The following FBRSL1 variants were observed in gnomAD, a reference collection of about 807,000 sequenced individuals.
FBRSL1 encodes fibrosin-1-like protein.
FBRSL1 carries 51 observed loss-of-function variants against 89.6 expected under a neutral mutation model. The ratio of observed to expected loss-of-function variants is 0.57; its 90% CI spans 0.45 to 0.72. The LOEUF is 0.72. FBRSL1 is among the 30% of genes least tolerant of loss of function. The pLI is 0.00. For missense variants in FBRSL1, 1,618 were observed against 1,451.8 expected, an observed-to-expected ratio of 1.11 and a Z score of -1.86; for synonymous variants, 779 against 681.1, an observed-to-expected ratio of 1.14 and a Z score of -2.24.
intron 1 of FBRSL1, 26 bp downstream of exon 1, chr12:132,490,887 G>A (rs28435470): frequency 0.66 from 853,101 of 1,299,228 alleles, 279,910 homozygotes; most frequent in Middle Eastern, 0.74. Flanking sequence ...CGGCTTCGCA[G>A]GCGTTGAGGC....
At chr12:132,543,219 C>G (rs919422748) in intron 4 of FBRSL1, among the ~76,000 whole-genome samples, 2 of 152,232 alleles carry the variant, frequency 1.3e-5, no homozygotes, top group Non-Finnish European at 1.5e-5. Context: ...ACGCACGTTG[C>G]CTCCTCCGAC....
chr12:132,503,470 G>A (rs891088774), intron 1 of FBRSL1, among the ~76,000 whole-genome samples: 2 of 152,376 alleles, frequency 1.3e-5, no homozygotes, highest in South Asian at 2.1e-4. Context: ...TGGGCGGGGG[G>A]AGATGTGGGG....
chr12:132,559,921 C>A, intron 5 of FBRSL1: 1 of 149,082 alleles, frequency 6.7e-6, no homozygotes, highest in South Asian at 1.9e-4. Flanking sequence ...TCGGGTCTGC[C>A]CGCGCCCCGC....
chr12:132,567,800 C>T (rs1019216572), intron 6 of FBRSL1, among the ~76,000 whole-genome samples: 1 of 152,152 alleles, frequency 6.6e-6, no homozygotes, highest in African/African-American at 2.4e-5. Context: ...CTCAGGCCCT[C>T]CCCAGGTTCG....
At chr12:132,536,612 G>A (rs2137112847) in intron 4 of FBRSL1, among the ~76,000 whole-genome samples, 1 of 151,820 alleles carries the variant, frequency 6.6e-6, no homozygotes, top group South Asian at 2.1e-4. Flanking sequence ...GACGGTGTGT[G>A]TGTGAGTGCA....
At chr12:132,501,957 C>T (rs564657006) in intron 1 of FBRSL1, among the ~76,000 whole-genome samples, 2 of 152,364 alleles carry the variant, frequency 1.3e-5, no homozygotes, top group East Asian at 1.9e-4. Context: ...CTGTTGTCTT[C>T]CTCTAAATCT....
chr12:132,572,465 T>A, intron 10 of FBRSL1, 62 bp from the exon 11 acceptor site: 1 of 1,500,986 alleles, frequency 6.7e-7, no homozygotes, highest in South Asian at 1.2e-5. Flanking sequence ...ACCTTCTGGT[T>A]ACAGGCAGAG....
intron 1 of FBRSL1, among the ~76,000 whole-genome samples, chr12:132,497,605 C>T (rs749789427): frequency 6.6e-6 from 1 of 152,172 alleles, no homozygotes; most frequent in Non-Finnish European, 1.5e-5. Flanking sequence ...CGGGCCTGAC[C>T]ACCCTTCAGT....
intron 1 of FBRSL1, among the ~76,000 whole-genome samples, chr12:132,491,629 A>T (rs1290109977): frequency 2.0e-5 from 3 of 152,012 alleles, no homozygotes; most frequent in African/African-American, 7.3e-5. Context: ...TCCCAGAATC[A>T]CCCCATTTCC....
At chr12:132,567,903 A>T (rs1297438758) in intron 6 of FBRSL1, among the ~76,000 whole-genome samples, 1 of 152,188 alleles carries the variant, frequency 6.6e-6, no homozygotes, top group African/African-American at 2.4e-5. Flanking sequence ...ACTGAGACTC[A>T]CTTCCCTGGC....
chr12:132,512,717 G>T (rs2034478343), intron 2 of FBRSL1, among the ~76,000 whole-genome samples: 1 of 152,250 alleles, frequency 6.6e-6, no homozygotes. Context: ...GTGGGGAGGG[G>T]CCATCCATGC....
At chr12:132,510,878 C>G in intron 2 of FBRSL1, 1 of 1,021,346 alleles carries the variant, frequency 9.8e-7, no homozygotes, top group Non-Finnish European at 1.2e-6. Flanking sequence ...CCTTGCATCT[C>G]TGAGTCTACG....
intron 5 of FBRSL1, chr12:132,551,831 CT>C: frequency 5.8e-6 from 2 of 344,430 alleles, no homozygotes; most frequent in South Asian, 4.3e-5. Flanking sequence ...CCACTTTTTC[CT>C]TGGAAAAGTG....
chr12:132,531,416 T>TGTGC (rs2036268522), intron 4 of FBRSL1, among the ~76,000 whole-genome samples: 1 of 152,086 alleles, frequency 6.6e-6, no homozygotes, highest in South Asian at 2.1e-4. Flanking sequence ...CATGTGTGCA[T>TGTGC]GTGCGTGTGG....
At chr12:132,581,611 C>G (rs1042931006) in intron 16 of FBRSL1, 95 bp downstream of exon 16, 3 of 1,496,358 alleles carry the variant, frequency 2.0e-6, no homozygotes, top group African/African-American at 2.8e-5. Context: ...GCCCCGAGCC[C>G]CAGGGAGCCC....
chr12:132,518,676 ATC>A (rs2035073319), intron 2 of FBRSL1, among the ~76,000 whole-genome samples: 1 of 146,936 alleles, frequency 6.8e-6, no homozygotes, highest in African/African-American at 2.5e-5. Flanking sequence ...CCATCCACCC[ATC>A]TGTCCTTCCA....
At position 132,490,568 on chromosome 12, in the gene FBRSL1, G is replaced by T; in HGVS notation, c.-3G>T. 1.0e-6 allele frequency: 1 copy of T among 981,784 alleles called. No individual in the cohort carries two copies. Among genetic ancestry groups the T allele is most frequent in the South Asian group, 4.5e-5 (1 of 22,002 alleles). The allele number at this position is 981,784 out of a possible 1,614,324, so 60.8% of individuals were successfully genotyped here. ...ACCGGCCCGACGGGGCGCACGCGCGGCCATGGAGGCCAAGGTCCGCCCGAG... is the reference window on the plus strand; with the variant it reads ...ACCGGCCCGACGGGGCGCACGCGCGTCCATGGAGGCCAAGGTCCGCCCGAG... On this transcript the variant is annotated 5_prime_UTR_variant, in exon 1 of 19. Transcript: ENST00000680143.
intron 1 of FBRSL1, among the ~76,000 whole-genome samples, chr12:132,501,274 C>T (rs1004571671): frequency 2.6e-5 from 4 of 152,224 alleles, no homozygotes; most frequent in African/African-American, 9.6e-5. Flanking sequence ...ACTAGAATTC[C>T]GGGATAAAGC....
chr12:132,576,233 C>T (rs2040374948), intron 14 of FBRSL1, among the ~76,000 whole-genome samples: 1 of 133,850 alleles, frequency 7.5e-6, no homozygotes, highest in Non-Finnish European at 1.6e-5. Context: ...CGCTCTGTCA[C>T]CCAGGCTAGA....
Sources: allele counts gnomAD v4.1 joint callset (sites outside exome capture counted in the v4.1 genomes callset), GRCh38; gene constraint gnomAD v4.1.1; transcripts MANE v1.5; gene names NCBI Gene and HGNC (gene_info 2026-07-23, HGNC 2026-07-21).